Variants in GRID1 observed in about 807,000 individuals in gnomAD.
GRID1 encodes glutamate receptor ionotropic, delta-1.
GRID1 carries 28 observed loss-of-function variants against 98.0 expected under a neutral mutation model. The ratio of observed to expected loss-of-function variants is 0.29; its 90% CI spans 0.21 to 0.39. The LOEUF is 0.39. GRID1 is among the 10% of genes least tolerant of loss of function. The probability of loss-of-function intolerance (pLI) is 1.00; values close to 1 mark genes in which losing one functional copy is unlikely to be tolerated. For synonymous variants in GRID1, 553 were observed against 538.5 expected (o/e 1.03, Z -0.37); for missense variants, 1,111 against 1,340.5 (o/e 0.83, Z 2.67).
chr10:85,669,493 C>T (rs1216946879), intron 12 of GRID1, among the ~76,000 whole-genome samples: 3 of 152,192 alleles, frequency 2.0e-5, no homozygotes, highest in East Asian at 3.9e-4. Flanking sequence ...AATACGTCTA[C>T]AGAGAGTGGA....
chr10:85,708,054 G>GT (rs1340734262), intron 12 of GRID1, among the ~76,000 whole-genome samples: 1 of 150,658 alleles, frequency 6.6e-6, no homozygotes, highest in Non-Finnish European at 1.5e-5. Context: ...CATGGCACAT[G>GT]TGTATATATA....
chr10:86,155,206 G>T (rs1845227687), intron 3 of GRID1, among the ~76,000 whole-genome samples: 1 of 152,236 alleles, frequency 6.6e-6, no homozygotes, highest in African/African-American at 2.4e-5. Flanking sequence ...CTTGCTGAAG[G>T]CTGGGGAAGG....
At chr10:86,110,781 T>C (rs1844469449) in intron 4 of GRID1, among the ~76,000 whole-genome samples, 1 of 152,194 alleles carries the variant, frequency 6.6e-6, no homozygotes, top group Non-Finnish European at 1.5e-5. Context: ...AGAGTGTCCA[T>C]GTGTGTCAAT....
chr10:86,208,392 T>C (rs959417018), intron 2 of GRID1, among the ~76,000 whole-genome samples: 2 of 152,022 alleles, frequency 1.3e-5, no homozygotes, highest in Non-Finnish European at 2.9e-5. Flanking sequence ...CAGAAATCCA[T>C]TGCGTGCCCT....
At chr10:85,739,244 CGAT>C (rs1841916996) in intron 8 of GRID1, among the ~76,000 whole-genome samples, 1 of 152,010 alleles carries the variant, frequency 6.6e-6, no homozygotes. Context: ...CATGACTAAA[CGAT>C]GACCTATTGG....
chr10:85,618,135 T>C (rs1303261226), intron 14 of GRID1, among the ~76,000 whole-genome samples: 1 of 152,228 alleles, frequency 6.6e-6, no homozygotes, highest in African/African-American at 2.4e-5. Context: ...CCTGGACTAA[T>C]GTCTGCTGCC....
chr10:85,929,697 A>C (rs1342615080), intron 4 of GRID1, among the ~76,000 whole-genome samples: 1 of 152,204 alleles, frequency 6.6e-6, no homozygotes, highest in African/African-American at 2.4e-5. Flanking sequence ...AATTTTTAAA[A>C]GGCAGAATTA....
intron 5 of GRID1, among the ~76,000 whole-genome samples, chr10:85,909,368 C>T (rs1056781097): frequency 6.6e-6 from 1 of 152,134 alleles, no homozygotes; most frequent in East Asian, 1.9e-4. Context: ...ATAAATCTAC[C>T]ATAGGGGTTG....
At chr10:86,102,386 A>C (rs566802713) in intron 4 of GRID1, among the ~76,000 whole-genome samples, 2 of 152,352 alleles carry the variant, frequency 1.3e-5, no homozygotes, top group South Asian at 2.1e-4. Flanking sequence ...CATGAGGAAG[A>C]AGCAGCAAAG....
intron 2 of GRID1, among the ~76,000 whole-genome samples, chr10:86,271,708 C>T (rs1299519115): frequency 6.6e-6 from 1 of 151,906 alleles, no homozygotes; most frequent in Admixed American, 6.6e-5. Context: ...GAAAAAGAAA[C>T]TATCCAAAGT....
At chr10:86,120,684 T>A (rs1844652047) in intron 4 of GRID1, among the ~76,000 whole-genome samples, 1 of 152,202 alleles carries the variant, frequency 6.6e-6, no homozygotes. Context: ...ATGTAATGGA[T>A]TACTAGATTT....
At chr10:85,983,459 A>C (rs919011803) in intron 4 of GRID1, among the ~76,000 whole-genome samples, 1 of 152,226 alleles carries the variant, frequency 6.6e-6, no homozygotes, top group Non-Finnish European at 1.5e-5. Flanking sequence ...AGTGCTGCAC[A>C]ATCCCGGAAA....
intron 8 of GRID1, among the ~76,000 whole-genome samples, chr10:85,770,142 G>T (rs1039622986): frequency 6.6e-6 from 1 of 152,196 alleles, no homozygotes; most frequent in Non-Finnish European, 1.5e-5. Context: ...CCAGAGGAAC[G>T]ATCGGACAGC....
chr10:86,356,495 T>C (rs556392195), intron 2 of GRID1, among the ~76,000 whole-genome samples: 69 of 152,290 alleles, frequency 4.5e-4, no homozygotes, highest in African/African-American at 1.6e-3. Context: ...CAACGAGTCA[T>C]AAGCAGAAGT....
intron 8 of GRID1, among the ~76,000 whole-genome samples, chr10:85,844,020 C>T (rs915452962): frequency 3.3e-5 from 5 of 152,018 alleles, no homozygotes; most frequent in Non-Finnish European, 5.9e-5. Context: ...AGATGTTCTT[C>T]AGTGGGTGAA....
chr10:86,362,339 G>A (rs1848610594), intron 2 of GRID1, among the ~76,000 whole-genome samples: 1 of 152,154 alleles, frequency 6.6e-6, no homozygotes, highest in African/African-American at 2.4e-5. Flanking sequence ...GCTGTGATAA[G>A]GGCACACTGA....
At chr10:85,879,655 C>T (rs1840968174) in intron 5 of GRID1, among the ~76,000 whole-genome samples, 1 of 151,832 alleles carries the variant, frequency 6.6e-6, no homozygotes, top group Non-Finnish European at 1.5e-5. Flanking sequence ...ACTAAATGCC[C>T]ACAAGAGAAA....
intron 12 of GRID1, among the ~76,000 whole-genome samples, chr10:85,671,193 C>T (rs372408330): frequency 6.6e-6 from 1 of 152,244 alleles, no homozygotes; most frequent in Non-Finnish European, 1.5e-5. Flanking sequence ...TCCCTGTCAT[C>T]TGACTATGGT....
intron 4 of GRID1, among the ~76,000 whole-genome samples, chr10:86,035,045 C>T (rs1183403488): frequency 3.3e-5 from 5 of 151,364 alleles, no homozygotes; most frequent in Non-Finnish European, 7.4e-5. Context: ...GATCTAGGCT[C>T]CAGGGAGCAC....
Sources: allele counts gnomAD v4.1 joint callset (sites outside exome capture counted in the v4.1 genomes callset), GRCh38; gene constraint gnomAD v4.1.1; transcripts MANE v1.5; gene names NCBI Gene and HGNC (gene_info 2026-07-23, HGNC 2026-07-21).